The following AGBL1 variants were observed in gnomAD, a reference collection of about 807,000 sequenced individuals.
The protein encoded by AGBL1 is AGBL carboxypeptidase 1, also known as cytosolic carboxypeptidase 4.
AGBL1 carries 130 observed loss-of-function variants against 118.9 expected under a neutral mutation model. That is an observed-to-expected ratio of 1.09 (90% CI 0.95 to 1.26). The LOEUF is 1.26. Among genes scored for constraint, AGBL1 ranks in the 50% most tolerant of loss-of-function variants. The probability of loss-of-function intolerance (pLI) is 0.00; values close to 1 mark genes in which losing one functional copy is unlikely to be tolerated. For missense variants in AGBL1, 1,584 were observed against 1,298.1 expected (o/e 1.22, Z -3.38); for synonymous variants, 555 against 478.9 (o/e 1.16, Z -2.08).
chr15:86,079,864 T>G, upstream of AGBL1: 1 of 768,276 alleles, frequency 1.3e-6, no homozygotes, highest in Admixed American at 4.3e-5. Context: ...AGCTGAGGCC[T>G]CCGGGCAGTC....
chr15:86,999,088 G>C (rs988151207), intron 24 of AGBL1, among the ~76,000 whole-genome samples: 3 of 151,112 alleles, frequency 2.0e-5, no homozygotes, highest in Admixed American at 1.3e-4. Flanking sequence ...TCCCACCTAT[G>C]AGTGAGAACA....
chr15:86,865,728 G>T (rs1435289065), intron 22 of AGBL1, among the ~76,000 whole-genome samples: 2 of 152,168 alleles, frequency 1.3e-5, no homozygotes, highest in African/African-American at 4.8e-5. Flanking sequence ...GCTATACACT[G>T]TGTCAACCTG....
intron 5 of AGBL1, among the ~76,000 whole-genome samples, chr15:86,209,376 AC>A (rs1212097467): frequency 6.6e-6 from 1 of 151,710 alleles, no homozygotes; most frequent in African/African-American, 2.4e-5. Context: ...ACCCTTGTTA[AC>A]CTTCTGTCTC....
intron 23 of AGBL1, among the ~76,000 whole-genome samples, chr15:86,929,675 C>T (rs542306108): frequency 9.2e-5 from 14 of 152,312 alleles, no homozygotes; most frequent in African/African-American, 3.4e-4. Flanking sequence ...GACTGCATGG[C>T]ACTATCCATC....
At chr15:86,081,751 T>C (rs1320392324) in intron 1 of AGBL1, among the ~76,000 whole-genome samples, 1 of 152,202 alleles carries the variant, frequency 6.6e-6, no homozygotes, top group Non-Finnish European at 1.5e-5. Flanking sequence ...TGAAAATATC[T>C]CATGGACAGA....
chr15:86,693,717 T>A (rs1222261608), intron 22 of AGBL1, among the ~76,000 whole-genome samples: 1 of 152,168 alleles, frequency 6.6e-6, no homozygotes. Context: ...TCTAGAACTT[T>A]TATAGTTTCA....
At position 86,911,942 on chromosome 15, in the gene AGBL1, A is replaced by G. The variant is rs1055409101; in HGVS notation, c.*4648A>G. On this transcript the variant is annotated 3_prime_UTR_variant, in exon 23 of 23. Coordinates refer to ENST00000614907, the MANE Select transcript of AGBL1 (RefSeq NM_001386094.1). ...CACCCCCATTCACCATTGAATAGTG[A>G]GCTCTAAAGTGCACAAACCTGCTAT... 2 of 152,164 alleles carry G rather than the reference A, an allele frequency of 1.3e-5. No homozygotes were observed. The highest frequency in any genetic ancestry group is 2.9e-5 in the Non-Finnish European group (2 of 68,030). The allele number at this position is 152,164 out of a possible 1,614,324, so 9.4% of individuals were successfully genotyped here.
chr15:86,820,858 C>G (rs1257734315), intron 22 of AGBL1, among the ~76,000 whole-genome samples: 1 of 152,130 alleles, frequency 6.6e-6, no homozygotes, highest in Non-Finnish European at 1.5e-5. Context: ...ATAAATCATT[C>G]TACTTTAAAG....
chr15:86,118,244 C>T (rs1226183979), intron 1 of AGBL1, among the ~76,000 whole-genome samples: 1 of 152,160 alleles, frequency 6.6e-6, no homozygotes. Flanking sequence ...TCTTGTCTTT[C>T]TCCCTTTGCT....
intron 21 of AGBL1, among the ~76,000 whole-genome samples, chr15:86,573,618 A>G (rs1009574573): frequency 1.3e-5 from 2 of 152,158 alleles, no homozygotes; most frequent in Non-Finnish European, 2.9e-5. Flanking sequence ...TAATCTCCCC[A>G]TAGAACTGCA....
At chr15:86,085,282 A>G (rs1806407548) in intron 1 of AGBL1, among the ~76,000 whole-genome samples, 1 of 152,170 alleles carries the variant, frequency 6.6e-6, no homozygotes, top group South Asian at 2.1e-4. Context: ...GAGGGTGCCT[A>G]GTGATCTTCC....
chr15:86,474,597 C>T (rs1300473691), intron 18 of AGBL1, among the ~76,000 whole-genome samples: 1 of 152,200 alleles, frequency 6.6e-6, no homozygotes, highest in Non-Finnish European at 1.5e-5. Context: ...CTGGGTGGAG[C>T]CCACTGCAGC....
chr15:86,387,095 G>T (rs939127207), intron 17 of AGBL1, among the ~76,000 whole-genome samples: 4 of 152,102 alleles, frequency 2.6e-5, no homozygotes, highest in Non-Finnish European at 4.4e-5. Flanking sequence ...TATGAAAATG[G>T]ATTCTAGGGT....
At chr15:86,546,220 A>AT in intron 20 of AGBL1, 87 bp downstream of exon 20, 103 of 1,079,400 alleles carry the variant, frequency 9.5e-5, no homozygotes, top group East Asian at 1.3e-4. Flanking sequence ...TCATTTATTT[A>AT]GTTTTTTTTT....
chr15:86,959,505 A>T (rs7403297), intron 23 of AGBL1, among the ~76,000 whole-genome samples: 94,341 of 151,868 alleles, frequency 0.62, 31,038 homozygotes, highest in Non-Finnish European at 0.74. Context: ...TTTCTTACTT[A>T]GAAGAGTGTT....
chr15:86,642,862 T>C (rs1402927216), intron 21 of AGBL1, among the ~76,000 whole-genome samples: 1 of 152,190 alleles, frequency 6.6e-6, no homozygotes, highest in Non-Finnish European at 1.5e-5. Context: ...AGGACTATTT[T>C]ATTTTATTTT....
At chr15:86,586,697 T>C (rs2084253571) in intron 21 of AGBL1, among the ~76,000 whole-genome samples, 1 of 152,062 alleles carries the variant, frequency 6.6e-6, no homozygotes, top group Non-Finnish European at 1.5e-5. Flanking sequence ...ATAAATAAAT[T>C]CCTGGGAGGT....
intron 22 of AGBL1, among the ~76,000 whole-genome samples, chr15:86,807,810 C>CTTT (rs1281276423): frequency 6.6e-6 from 1 of 152,102 alleles, no homozygotes; most frequent in Non-Finnish European, 1.5e-5. Flanking sequence ...ACTTGTAGCA[C>CTTT]TTTTGTTATC....
At chr15:86,674,823 G>A (rs1364454053) in intron 22 of AGBL1, among the ~76,000 whole-genome samples, 4 of 151,908 alleles carry the variant, frequency 2.6e-5, no homozygotes, top group Non-Finnish European at 5.9e-5. Flanking sequence ...CAATATCTAG[G>A]CACCTGGAGA....
Sources: allele counts gnomAD v4.1 joint callset (sites outside exome capture counted in the v4.1 genomes callset), GRCh38; gene constraint gnomAD v4.1.1; transcripts MANE v1.5; gene names NCBI Gene and HGNC (gene_info 2026-07-23, HGNC 2026-07-21).